The following MGAT5 variants were observed in gnomAD, a reference collection of about 807,000 sequenced individuals.
MGAT5 encodes alpha-1,6-mannosylglycoprotein 6-beta-N-acetylglucosaminyltransferase A.
MGAT5 carries 30 observed loss-of-function variants against 94.3 expected under a neutral mutation model. The ratio of observed to expected loss-of-function variants is 0.32; its 90% confidence interval spans 0.24 to 0.43. The LOEUF (loss-of-function observed/expected upper bound fraction) is 0.43, where lower values mean the gene tolerates loss of function less well. Among genes scored for constraint, MGAT5 ranks in the 20% least tolerant of loss-of-function variants. The probability of loss-of-function intolerance (pLI) is 1.00; values close to 1 mark genes in which losing one functional copy is unlikely to be tolerated. For missense variants in MGAT5, 691 were observed against 905.5 expected (o/e 0.76, Z 3.04); for synonymous variants, 310 against 322.9 (o/e 0.96, Z 0.43).
chr2:134,182,826 G>A (rs1271664385), intron 1 of MGAT5, among the ~76,000 whole-genome samples: 12 of 119,314 alleles, frequency 1.0e-4, no homozygotes, highest in East Asian at 2.5e-4. Flanking sequence ...TCCCTTTGTC[G>A]CCCAGGCTAG....
At chr2:134,392,726 T>G (rs564456499) in intron 10 of MGAT5, among the ~76,000 whole-genome samples, 1 of 152,364 alleles carries the variant, frequency 6.6e-6, no homozygotes, top group South Asian at 2.1e-4. Context: ...TTAATGCATA[T>G]GGCATGGGGC....
At chr2:134,199,509 T>C (rs994432816) in intron 1 of MGAT5, among the ~76,000 whole-genome samples, 2 of 152,050 alleles carry the variant, frequency 1.3e-5, no homozygotes, top group African/African-American at 2.4e-5. Flanking sequence ...CTTTTTTTTT[T>C]TTCTTCTAAA....
chr2:134,172,036 C>T (rs115468180), intron 1 of MGAT5, among the ~76,000 whole-genome samples: 2 of 152,306 alleles, frequency 1.3e-5, no homozygotes, highest in East Asian at 3.9e-4. Flanking sequence ...AGTAATTGGA[C>T]AAGATTATTT....
intron 1 of MGAT5, among the ~76,000 whole-genome samples, chr2:134,259,160 C>T (rs1437571294): frequency 6.6e-6 from 1 of 152,210 alleles, no homozygotes; most frequent in African/African-American, 2.4e-5. Flanking sequence ...TGTATTAACT[C>T]TGTCAGTCCA....
chr2:134,221,010 C>T (rs1680735545), intron 1 of MGAT5, among the ~76,000 whole-genome samples: 2 of 152,148 alleles, frequency 1.3e-5, no homozygotes, highest in Non-Finnish European at 1.5e-5. Context: ...CCTTGTCCTG[C>T]AGTTTTTTGT....
chr2:134,304,742 T>G (rs1282712314), intron 2 of MGAT5, among the ~76,000 whole-genome samples: 1 of 152,202 alleles, frequency 6.6e-6, no homozygotes, highest in Non-Finnish European at 1.5e-5. Context: ...AGTTGTAAGA[T>G]AGCCTGATTT....
rs1488237898 is a variant in MGAT5 at position 134,451,678 on chromosome 2, A to G, written c.*2831A>G. The G allele has an allele frequency of 2.6e-5, 4 of 152,236 alleles. No homozygotes were observed. Among genetic ancestry groups the G allele is most frequent in the African/African-American group, 9.6e-5 (4 of 41,462 alleles). The allele number at this position is 152,236 out of a possible 1,614,324, so 9.4% of individuals were successfully genotyped here. ...GTTATGATTAATGTTTTTCCCCGCT[A>G]TAATATCTTGCCTGTTTTTTTGGAT... On this transcript the variant is annotated 3_prime_UTR_variant, in exon 16 of 16. Coordinates refer to ENST00000281923, the MANE Select transcript of MGAT5 (RefSeq NM_002410.5).
chr2:134,369,235 A>G (rs1324310237), intron 10 of MGAT5, among the ~76,000 whole-genome samples: 5 of 152,198 alleles, frequency 3.3e-5, no homozygotes, highest in Admixed American at 6.5e-5. Context: ...TGCCTAGAAC[A>G]TTTCCCTGTG....
At chr2:134,343,381 A>G (rs2106012969) in intron 7 of MGAT5, among the ~76,000 whole-genome samples, 1 of 152,310 alleles carries the variant, frequency 6.6e-6, no homozygotes, top group Middle Eastern at 3.4e-3. Context: ...TTTTGTTTAA[A>G]GTCCCAGTTT....
intron 1 of MGAT5, among the ~76,000 whole-genome samples, chr2:134,154,189 G>A (rs1687367548): frequency 5.3e-5 from 8 of 152,160 alleles, no homozygotes; most frequent in Admixed American, 3.9e-4. Context: ...TGGGAGAAAC[G>A]AATATGGGTC....
chr2:134,267,777 G>C (rs1474872628), intron 1 of MGAT5, among the ~76,000 whole-genome samples: 1 of 152,222 alleles, frequency 6.6e-6, no homozygotes, highest in Non-Finnish European at 1.5e-5. Flanking sequence ...CCCCCATAGG[G>C]AGGAAGGCAG....
chr2:134,360,862 G>A (rs1043366980), intron 9 of MGAT5, among the ~76,000 whole-genome samples: 3 of 150,386 alleles, frequency 2.0e-5, no homozygotes, highest in African/African-American at 7.3e-5. Context: ...AGATTGGCCA[G>A]ACTGAACACA....
At chr2:134,216,840 A>G (rs7575632) in intron 1 of MGAT5, among the ~76,000 whole-genome samples, 4 of 152,152 alleles carry the variant, frequency 2.6e-5, no homozygotes, top group East Asian at 3.8e-4. Flanking sequence ...AGATGTGACT[A>G]TTGCTGTGCT....
intron 12 of MGAT5, among the ~76,000 whole-genome samples, chr2:134,415,161 T>C (rs1485419555): frequency 6.6e-6 from 1 of 152,100 alleles, no homozygotes; most frequent in African/African-American, 2.4e-5. Context: ...TTATGTGGAG[T>C]TCTATTTCTT....
chr2:134,125,264 A>G (rs1209144006), intron 1 of MGAT5, among the ~76,000 whole-genome samples: 1 of 152,182 alleles, frequency 6.6e-6, no homozygotes, highest in Non-Finnish European at 1.5e-5. Context: ...ACATGGAGAG[A>G]CCATAACATC....
intron 7 of MGAT5, 96 bp from the exon 8 acceptor site, chr2:134,344,834 T>A: frequency 9.0e-6 from 13 of 1,437,248 alleles, no homozygotes; most frequent in Non-Finnish European, 1.2e-5. Flanking sequence ...AAAGGATTTT[T>A]GGGGTGGCAT....
rs573661913 is a variant in MGAT5, at chr2:134,427,556, G to A, written c.1795-809G>A. Among the ~76,000 whole-genome samples, 11 of 152,270 alleles carry A rather than the reference G, an allele frequency of 7.2e-5. No homozygotes were observed. In the South Asian group the frequency reaches 1.4e-3, roughly 20 times the overall value. ...CTCAAGGCTTTTTTGGAAATTCAGT[G>A]AATTTTCCACCTCGTCTCACCAGTT... On this transcript the variant is annotated intron_variant, in intron 13 of 15. Coordinates refer to ENST00000281923, the MANE Select transcript of MGAT5 (RefSeq NM_002410.5).
intron 2 of MGAT5, among the ~76,000 whole-genome samples, chr2:134,275,115 C>T (rs976728582): frequency 1.3e-5 from 2 of 152,094 alleles, no homozygotes; most frequent in African/African-American, 4.8e-5. Context: ...CCTGAAGTGT[C>T]CCAGCTCCAC....
intron 1 of MGAT5, among the ~76,000 whole-genome samples, chr2:134,138,473 C>T (rs62165677): frequency 0.039 from 5,932 of 152,228 alleles, 164 homozygotes; most frequent in Middle Eastern, 0.071. Context: ...CTGCTGGACA[C>T]GGATAGATCC....
Sources: allele counts gnomAD v4.1 joint callset (sites outside exome capture counted in the v4.1 genomes callset), GRCh38; gene constraint gnomAD v4.1.1; transcripts MANE v1.5; gene names NCBI Gene and HGNC (gene_info 2026-07-23, HGNC 2026-07-21).